The following NSMCE2 variants were observed in gnomAD, a reference collection of about 807,000 sequenced individuals.
The protein encoded by NSMCE2 is E3 SUMO-protein ligase NSE2.
Under a neutral mutation model 23.8 loss-of-function variants are expected in NSMCE2, and 24 were observed. The observed-to-expected ratio is 1.01, with a 90% CI of 0.73 to 1.42. The LOEUF is 1.42. NSMCE2 is among the 40% of genes most tolerant of loss of function. The probability of loss-of-function intolerance (pLI) is 0.00; values close to 1 mark genes in which losing one functional copy is unlikely to be tolerated. For synonymous variants in NSMCE2, 92 were observed against 94.1 expected (o/e 0.98, Z 0.13); for missense variants, 284 against 296.5 (o/e 0.96, Z 0.31).
At chr8:125,258,041 A>G (rs1826520293) in intron 5 of NSMCE2, among the ~76,000 whole-genome samples, 1 of 152,236 alleles carries the variant, frequency 6.6e-6, no homozygotes, top group South Asian at 2.1e-4. Context: ...AGAGAGAAGA[A>G]AAAGAAGATG....
At chr8:125,154,511 TAAAAA>T (rs56201104) in intron 4 of NSMCE2, among the ~76,000 whole-genome samples, 1 of 124,048 alleles carries the variant, frequency 8.1e-6, no homozygotes, top group African/African-American at 2.9e-5. Flanking sequence ...CTCTGAAAGT[TAAAAA>T]AAAAAAAAAA....
intron 4 of NSMCE2, among the ~76,000 whole-genome samples, chr8:125,151,721 A>G (rs1388219393): frequency 3.9e-5 from 6 of 152,242 alleles, no homozygotes; most frequent in Non-Finnish European, 5.9e-5. Context: ...AAGTTTAAAA[A>G]TAAAGAAGAT....
intron 4 of NSMCE2, among the ~76,000 whole-genome samples, chr8:125,158,614 A>G (rs1421242174): frequency 6.6e-6 from 1 of 152,354 alleles, no homozygotes; most frequent in South Asian, 2.1e-4. Context: ...CCCAAATGAT[A>G]TGAATGTTCC....
intron 5 of NSMCE2, among the ~76,000 whole-genome samples, chr8:125,215,639 G>A (rs1224628348): frequency 2.2e-4 from 33 of 152,154 alleles, no homozygotes; most frequent in Admixed American, 2.2e-3. Context: ...TAATGCCTAG[G>A]TTTTCTTCTA....
At chr8:125,245,805 A>G (rs1180503610) in intron 5 of NSMCE2, among the ~76,000 whole-genome samples, 1 of 152,132 alleles carries the variant, frequency 6.6e-6, no homozygotes, top group African/African-American at 2.4e-5. Flanking sequence ...AGGCCCAGGC[A>G]GTGGATCACC....
chr8:125,103,817 GAATT>G (rs1379299869), intron 3 of NSMCE2, among the ~76,000 whole-genome samples: 1 of 151,060 alleles, frequency 6.6e-6, no homozygotes, highest in African/African-American at 2.4e-5. Context: ...ACATAACAAA[GAATT>G]AAGTAGAATC....
intron 5 of NSMCE2, among the ~76,000 whole-genome samples, chr8:125,356,432 G>T (rs181513197): frequency 1.2e-4 from 17 of 147,050 alleles, no homozygotes; most frequent in African/African-American, 3.2e-4. Context: ...GGGTTCAAGC[G>T]ATTCTCCTGC....
intron 5 of NSMCE2, among the ~76,000 whole-genome samples, chr8:125,296,392 ATTTTTTTTTT>A (rs11410793): frequency 5.6e-5 from 7 of 125,746 alleles, no homozygotes; most frequent in African/African-American, 2.1e-4. Flanking sequence ...TGCCATGGTC[ATTTTTTTTTT>A]TTTTTTTTTT....
At chr8:125,341,583 T>G (rs1267473959) in intron 5 of NSMCE2, among the ~76,000 whole-genome samples, 1 of 152,114 alleles carries the variant, frequency 6.6e-6, no homozygotes, top group Admixed American at 6.5e-5. Context: ...GTTAGTTTTT[T>G]TTTTCCTCTA....
At chr8:125,153,004 C>CTGAG (rs1470774342) in intron 4 of NSMCE2, among the ~76,000 whole-genome samples, 1 of 130,600 alleles carries the variant, frequency 7.7e-6, no homozygotes, top group African/African-American at 3.1e-5. Context: ...TTGCAGTGAG[C>CTGAG]TGAGATCACG....
At chr8:125,258,027 T>C (rs1392464383) in intron 5 of NSMCE2, among the ~76,000 whole-genome samples, 22 of 151,956 alleles carry the variant, frequency 1.4e-4, no homozygotes, top group Non-Finnish European at 5.9e-5. Context: ...AGGGAGGAGA[T>C]TGAAGAGAGA....
chr8:125,094,043 A>G (rs996211302), intron 1 of NSMCE2, among the ~76,000 whole-genome samples: 2 of 151,776 alleles, frequency 1.3e-5, no homozygotes, highest in African/African-American at 4.9e-5. Context: ...GCCTCAAGCA[A>G]TCTTCCTGCC....
intron 5 of NSMCE2, chr8:125,349,010 AACACACACAC>A (rs35429077): frequency 0.028 from 3,666 of 129,416 alleles, 59 homozygotes; most frequent in African/African-American, 0.048. Flanking sequence ...CTCAAAGCAA[AACACACACAC>A]ACACACACAC....
At chr8:125,169,011 T>C (rs1822037361) in intron 4 of NSMCE2, among the ~76,000 whole-genome samples, 1 of 152,198 alleles carries the variant, frequency 6.6e-6, no homozygotes, top group Admixed American at 6.5e-5. Flanking sequence ...TCACCCAGGG[T>C]TACACACCTA....
At chr8:125,331,280 A>G (rs912504800) in intron 5 of NSMCE2, among the ~76,000 whole-genome samples, 16 of 152,322 alleles carry the variant, frequency 1.1e-4, no homozygotes, top group Non-Finnish European at 1.9e-4. Context: ...AGCCTGGGTG[A>G]CAGAGCGAGA....
intron 1 of NSMCE2, among the ~76,000 whole-genome samples, chr8:125,095,143 T>C (rs898231798): frequency 1.3e-5 from 2 of 152,112 alleles, no homozygotes; most frequent in Non-Finnish European, 2.9e-5. Flanking sequence ...GAGCCACCTT[T>C]CCAGCCAGGT....
At chr8:125,274,482 T>C (rs1827357807) in intron 5 of NSMCE2, among the ~76,000 whole-genome samples, 1 of 152,200 alleles carries the variant, frequency 6.6e-6, no homozygotes, top group Non-Finnish European at 1.5e-5. Flanking sequence ...GTTAACTCCA[T>C]GTCACCTACC....
rs1003858017 is a variant in NSMCE2 at position 125,361,473 on chromosome 8, G to A, written c.626+3655G>A. Among the ~76,000 whole-genome samples, 5 of 152,122 alleles carry A rather than the reference G, an allele frequency of 3.3e-5. No individual in the cohort carries two copies. In the East Asian group the frequency reaches 5.8e-4, roughly 18 times the overall value. ...GAAATTGAATAGAAATGGGTCATTC[G>A]ACAGCAGAACTCCAGCTTTGTGCTT... On this transcript the variant is annotated intron_variant, in intron 7 of 7. Transcript: ENST00000287437.
chr8:125,227,494 A>G (rs1362681047), intron 5 of NSMCE2, among the ~76,000 whole-genome samples: 2 of 152,226 alleles, frequency 1.3e-5, no homozygotes, highest in Non-Finnish European at 2.9e-5. Context: ...TCTGTTTAGA[A>G]TTAAGGACAA....
Sources: gnomAD v4.1 joint callset for allele counts (sites outside exome capture counted in the v4.1 genomes callset) on GRCh38, gnomAD v4.1.1 for gene constraint, MANE v1.5 for transcripts, NCBI Gene and HGNC (gene_info 2026-07-23, HGNC 2026-07-21) for gene names.